The following CNTN4 variants were observed in gnomAD, a reference collection of about 807,000 sequenced individuals.
CNTN4 encodes the protein contactin-4.
Under a neutral mutation model 122.5 loss-of-function variants are expected in CNTN4, and 77 were observed. The ratio of observed to expected loss-of-function variants is 0.63; its 90% CI spans 0.52 to 0.76. CNTN4 has a LOEUF of 0.76. CNTN4 is among the 30% of genes least tolerant of loss of function. The pLI is 0.00. For missense variants in CNTN4, 1,256 were observed against 1,259.1 expected (o/e 1.00, Z 0.04); for synonymous variants, 512 against 447.0 (o/e 1.15, Z -1.83).
chr3:2,662,774 G>A (rs1014122582), intron 4 of CNTN4, among the ~76,000 whole-genome samples: 1 of 152,182 alleles, frequency 6.6e-6, no homozygotes, highest in African/African-American at 2.4e-5. Context: ...TATGGCAAGA[G>A]TAGAGACCAC....
At chr3:3,032,736 C>A (rs1699278199) in intron 16 of CNTN4, among the ~76,000 whole-genome samples, 1 of 152,216 alleles carries the variant, frequency 6.6e-6, no homozygotes, top group African/African-American at 2.4e-5. Context: ...GAGAAGCAGA[C>A]CCCAGAATCA....
chr3:2,998,026 G>C (rs1393391604), intron 14 of CNTN4, among the ~76,000 whole-genome samples: 2 of 152,122 alleles, frequency 1.3e-5, no homozygotes, highest in Non-Finnish European at 2.9e-5. Flanking sequence ...CCTAGAAGAG[G>C]AGGATCCAAA....
intron 2 of CNTN4, among the ~76,000 whole-genome samples, chr3:2,138,751 C>T (rs2034834505): frequency 6.6e-6 from 1 of 152,304 alleles, no homozygotes; most frequent in East Asian, 1.9e-4. Flanking sequence ...ACTGGAATTA[C>T]ACCATTAGCT....
chr3:2,313,278 G>T (rs901084101), intron 2 of CNTN4, among the ~76,000 whole-genome samples: 3 of 151,816 alleles, frequency 2.0e-5, no homozygotes, highest in African/African-American at 7.3e-5. Flanking sequence ...TATCAATACT[G>T]AAGGGATTAA....
intron 3 of CNTN4, among the ~76,000 whole-genome samples, chr3:2,501,396 T>A (rs576667002): frequency 6.6e-6 from 1 of 152,314 alleles, no homozygotes; most frequent in South Asian, 2.1e-4. Context: ...TATCACAAAT[T>A]TCATGGCTTA....
intron 4 of CNTN4, among the ~76,000 whole-genome samples, chr3:2,579,046 A>G (rs2079820379): frequency 6.6e-6 from 1 of 152,214 alleles, no homozygotes; most frequent in African/African-American, 2.4e-5. Flanking sequence ...CCCCATAGGC[A>G]TGGACATGTA....
chr3:2,296,886 T>C (rs1014231277), intron 2 of CNTN4, among the ~76,000 whole-genome samples: 2 of 152,106 alleles, frequency 1.3e-5, no homozygotes, highest in Non-Finnish European at 2.9e-5. Flanking sequence ...AGATCTTCAA[T>C]GTAGTATTCT....
rs1361868389 is a variant in CNTN4 at position 3,056,522 on chromosome 3, T to C, written c.*302T>C. 5.7e-6 allele frequency: 1 copy of C among 175,696 alleles called. No homozygotes were observed. The highest frequency in any genetic ancestry group is 1.2e-5 in the Non-Finnish European group (1 of 82,736). The allele number at this position is 175,696 out of a possible 1,614,324, so 10.9% of individuals were successfully genotyped here. ...ATTATATATTTAGTGTTTTATAGAA[T>C]TTTTTAAAGTTAACATATAATGTAG... On this transcript the variant is annotated 3_prime_UTR_variant, in exon 25 of 25. Coordinates refer to ENST00000418658, the MANE Select transcript of CNTN4 (RefSeq NM_175607.3).
At chr3:2,635,948 T>G (rs2082640774) in intron 4 of CNTN4, among the ~76,000 whole-genome samples, 1 of 152,188 alleles carries the variant, frequency 6.6e-6, no homozygotes, top group East Asian at 1.9e-4. Context: ...ACCTGCTTCC[T>G]GTGGACCAAC....
intron 6 of CNTN4, among the ~76,000 whole-genome samples, chr3:2,782,465 C>CTGTGTGTGTGTGTGTGTGTGTGTG (rs137927481): frequency 7.5e-6 from 1 of 133,212 alleles, no homozygotes; most frequent in African/African-American, 2.9e-5. Context: ...CCTTCTTATT[C>CTGTGTGTGTGTGTGTGTGTGTGTG]TGTGTGTGTG....
At chr3:2,910,300 C>T (rs2094286272) in intron 12 of CNTN4, among the ~76,000 whole-genome samples, 1 of 152,210 alleles carries the variant, frequency 6.6e-6, no homozygotes. Flanking sequence ...CTCTAGAATG[C>T]AGCCTAAGGC....
chr3:2,641,829 T>A (rs965546836), intron 4 of CNTN4, among the ~76,000 whole-genome samples: 5 of 152,252 alleles, frequency 3.3e-5, no homozygotes, highest in Non-Finnish European at 7.3e-5. Context: ...TAGCCTGTAT[T>A]GACAGATGCA....
At chr3:2,443,030 C>CT (rs1352122082) in intron 3 of CNTN4, among the ~76,000 whole-genome samples, 2 of 151,608 alleles carry the variant, frequency 1.3e-5, no homozygotes, top group Non-Finnish European at 2.9e-5. Flanking sequence ...GAAAAGGTAA[C>CT]TATTGGTTAC....
At chr3:2,405,049 A>C (rs2046984607) in intron 3 of CNTN4, among the ~76,000 whole-genome samples, 1 of 152,188 alleles carries the variant, frequency 6.6e-6, no homozygotes, top group Non-Finnish European at 1.5e-5. Flanking sequence ...TAACATAATA[A>C]AAGATAACAA....
intron 4 of CNTN4, among the ~76,000 whole-genome samples, chr3:2,585,779 G>A (rs1349503125): frequency 2.7e-5 from 4 of 149,950 alleles, no homozygotes; most frequent in South Asian, 2.1e-4. Context: ...CATGGCACAC[G>A]TATACATATG....
intron 23 of CNTN4, among the ~76,000 whole-genome samples, chr3:3,046,663 T>A (rs933503423): frequency 7.2e-5 from 11 of 152,234 alleles, no homozygotes; most frequent in African/African-American, 1.9e-4. Flanking sequence ...AGTACCAGCC[T>A]CTGCAAAAAC....
chr3:2,451,316 A>G (rs1467134376), intron 3 of CNTN4, among the ~76,000 whole-genome samples: 2 of 152,060 alleles, frequency 1.3e-5, no homozygotes, highest in Non-Finnish European at 2.9e-5. Context: ...TAGAGCTTCT[A>G]TTAATGTCTT....
intron 4 of CNTN4, among the ~76,000 whole-genome samples, chr3:2,690,888 G>T (rs938014333): frequency 6.6e-5 from 10 of 152,176 alleles, no homozygotes; most frequent in African/African-American, 2.4e-4. Context: ...GGTGCAGAGA[G>T]TTGAATAGCT....
intron 7 of CNTN4, among the ~76,000 whole-genome samples, chr3:2,854,950 G>A (rs905254076): frequency 1.3e-5 from 2 of 152,100 alleles, no homozygotes; most frequent in Non-Finnish European, 2.9e-5. Flanking sequence ...ATTATGCTGT[G>A]AGAAAAAGCA....
Sources: allele counts gnomAD v4.1 joint callset (sites outside exome capture counted in the v4.1 genomes callset), GRCh38; gene constraint gnomAD v4.1.1; transcripts MANE v1.5; gene names NCBI Gene and HGNC (gene_info 2026-07-23, HGNC 2026-07-21).